NEU3: variants seen among roughly 807,000 people sequenced by gnomAD.
NEU3 encodes the protein sialidase-3.
NEU3 carries 10 observed loss-of-function variants against 11.4 expected under a neutral mutation model. The ratio of observed to expected loss-of-function variants is 0.88; its 90% CI spans 0.54 to 1.49. NEU3 has a LOEUF of 1.49. Among genes scored for constraint, NEU3 ranks in the 40% most tolerant of loss-of-function variants. The probability of loss-of-function intolerance (pLI) is 0.00; values close to 1 mark genes in which losing one functional copy is unlikely to be tolerated. For missense variants in NEU3, 529 were observed against 581.8 expected, an observed-to-expected ratio of 0.91 and a Z score of 0.93; for synonymous variants, 212 against 228.2, an observed-to-expected ratio of 0.93 and a Z score of 0.64.
upstream of NEU3, among the ~76,000 whole-genome samples, chr11:74,986,242 T>C (rs1361771955): frequency 6.6e-6 from 1 of 152,240 alleles, no homozygotes; most frequent in Non-Finnish European, 1.5e-5. Flanking sequence ...ATTTAGGTCT[T>C]TTATAATTTT....
At chr11:74,998,717 A>G (rs1270882288) in intron 2 of NEU3, among the ~76,000 whole-genome samples, 3 of 152,214 alleles carry the variant, frequency 2.0e-5, no homozygotes, top group Non-Finnish European at 2.9e-5. Context: ...TGCTTTTGAT[A>G]ACATTGGCTC....
At chr11:75,001,232 A>T (rs1279476510) in intron 2 of NEU3, among the ~76,000 whole-genome samples, 9 of 144,750 alleles carry the variant, frequency 6.2e-5, no homozygotes, top group African/African-American at 2.3e-4. Flanking sequence ...ACATGTTTTC[A>T]TATGCTTGTT....
chr11:75,012,639 G>A (rs1164615198), downstream of NEU3, among the ~76,000 whole-genome samples: 1 of 152,182 alleles, frequency 6.6e-6, no homozygotes, highest in Non-Finnish European at 1.5e-5. Flanking sequence ...CAGCTTTAGC[G>A]ACTTTGCACT....
chr11:74,999,904 G>C (rs1489206594), intron 2 of NEU3, among the ~76,000 whole-genome samples: 1 of 152,192 alleles, frequency 6.6e-6, no homozygotes, highest in Non-Finnish European at 1.5e-5. Context: ...GGGCTAAACA[G>C]CTTCAGTTCT....
chr11:74,982,158 AGT>A, the NEU3 span, among the ~76,000 whole-genome samples: 2 of 152,216 alleles, frequency 1.3e-5, no homozygotes, highest in African/African-American at 4.8e-5. Flanking sequence ...CTGTTTGTTG[AGT>A]CCAAGTAGGT....
At chr11:74,993,268 A>G (rs1442486893) in intron 1 of NEU3, among the ~76,000 whole-genome samples, 1 of 152,082 alleles carries the variant, frequency 6.6e-6, no homozygotes, top group East Asian at 1.9e-4. Flanking sequence ...CAGTGGGGCA[A>G]TCTCAGCTCA....
chr11:75,001,448 T>C (rs1948843892), intron 2 of NEU3, among the ~76,000 whole-genome samples: 3 of 151,824 alleles, frequency 2.0e-5, no homozygotes, highest in South Asian at 2.1e-4. Flanking sequence ...CCTGGCTAAT[T>C]TTTTTTGCAT....
At chr11:74,982,671 G>A in the NEU3 span, among the ~76,000 whole-genome samples, 1 of 152,092 alleles carries the variant, frequency 6.6e-6, no homozygotes, top group Non-Finnish European at 1.5e-5. Flanking sequence ...ATGGGGACAG[G>A]GAAATCTGCA....
chr11:75,007,980 A>G lies in NEU3; in HGVS notation c.*1488A>G, dbSNP rs1347559075. 1 of 152,188 alleles carries G rather than the reference A, an allele frequency of 6.6e-6. No homozygotes were observed. Among genetic ancestry groups the G allele is most frequent in the Non-Finnish European group, 1.5e-5 (1 of 68,036 alleles). 9.4% of individuals were successfully genotyped at this position (152,188 alleles called of 1,614,324 possible). A position where few individuals can be genotyped will look rare whatever the true frequency, so the allele number is the denominator to read the frequency against. ...ACTAGTTGGGTAGAGAGAGTCCTAC[A>G]GGATAAAAGTGGAGATTAACTTTAC... On this transcript the variant is annotated 3_prime_UTR_variant, in exon 3 of 3. Coordinates refer to ENST00000294064, the MANE Select transcript of NEU3 (RefSeq NM_006656.6).
intron 2 of NEU3, among the ~76,000 whole-genome samples, chr11:74,997,690 CAAA>C (rs35900546): frequency 2.4e-4 from 23 of 97,696 alleles, no homozygotes; most frequent in African/African-American, 6.2e-4. Context: ...CTAAAAATAC[CAAA>C]AAAAAAAAAA....
intron 1 of NEU3, among the ~76,000 whole-genome samples, chr11:74,992,489 T>C (rs1948743828): frequency 6.6e-6 from 1 of 152,234 alleles, no homozygotes; most frequent in East Asian, 1.9e-4. Context: ...AAATTGGGTT[T>C]GGATGACAGT....
At chr11:75,012,186 C>G (rs969901804), downstream of NEU3, among the ~76,000 whole-genome samples, 3 of 152,128 alleles carry the variant, frequency 2.0e-5, no homozygotes, top group Non-Finnish European at 2.9e-5. Context: ...ATCCTCGTAG[C>G]CTAAATACTT....
intron 3 of NEU3, among the ~76,000 whole-genome samples, chr11:75,017,472 A>G (rs983955276): frequency 2.0e-5 from 3 of 152,222 alleles, no homozygotes; most frequent in South Asian, 2.1e-4. Context: ...AATCCAGCCA[A>G]GAGTGGAGCT....
chr11:75,014,990 C>T (rs1948974860), downstream of NEU3, among the ~76,000 whole-genome samples: 1 of 152,144 alleles, frequency 6.6e-6, no homozygotes, highest in Non-Finnish European at 1.5e-5. Flanking sequence ...AACATGGGAG[C>T]TGCCTTGATT....
the NEU3 span, among the ~76,000 whole-genome samples, chr11:74,981,354 A>G: frequency 6.6e-6 from 1 of 152,216 alleles, no homozygotes; most frequent in African/African-American, 2.4e-5. Context: ...ATGTTCCTGC[A>G]TGTATATTCT....
intron 2 of NEU3, among the ~76,000 whole-genome samples, chr11:75,004,104 A>T (rs2140248817): frequency 6.6e-6 from 1 of 152,310 alleles, no homozygotes; most frequent in South Asian, 2.1e-4. Flanking sequence ...AGAATTGGGC[A>T]TGATGGGAAA....
chr11:75,015,410 CT>C (rs1948976445), downstream of NEU3, among the ~76,000 whole-genome samples: 3 of 152,292 alleles, frequency 2.0e-5, no homozygotes, highest in South Asian at 6.2e-4. Flanking sequence ...GTAGCCTGAA[CT>C]AAGACGTGTT....
In NEU3 at chr11:74,994,708, G is replaced by A. The variant is rs1397241995; in HGVS notation, c.294G>A (p.Gly98=). 2 of 1,613,800 alleles carry A rather than the reference G, an allele frequency of 1.2e-6. No individual in the cohort carries two copies. Among genetic ancestry groups the A allele is most frequent in the Non-Finnish European group, 1.7e-6 (2 of 1,179,806 alleles). ...HLVLRRGLRI[G]QLVQWGPLKP... ...TGCTGAGGCGAGGGTTGAGGATTGG[G>A]CAGTTGGTACAGGTGACTCTTCATC... Residue 98 remains glycine, a synonymous_variant, in exon 2 of 3, where the codon GGG becomes GGA. Coordinates refer to ENST00000294064, the MANE Select transcript of NEU3 (RefSeq NM_006656.6).
chr11:74,991,548 A>G (rs1011954457), intron 1 of NEU3, among the ~76,000 whole-genome samples: 1 of 152,208 alleles, frequency 6.6e-6, no homozygotes, highest in Admixed American at 6.5e-5. Context: ...TCATCATGCC[A>G]TTCCTCTGTC....
Sources: allele counts gnomAD v4.1 joint callset (sites outside exome capture counted in the v4.1 genomes callset), GRCh38; gene constraint gnomAD v4.1.1; transcripts MANE v1.5; gene names NCBI Gene and HGNC (gene_info 2026-07-23, HGNC 2026-07-21).